ZNF124: variants seen among roughly 807,000 people sequenced by gnomAD.
The protein encoded by ZNF124 is zinc finger protein HZF-16.
In ZNF124, 25 loss-of-function variants were observed where a neutral mutation model predicts 26.6. The ratio of observed to expected loss-of-function variants is 0.94; its 90% CI spans 0.68 to 1.31. ZNF124 has a LOEUF of 1.31. ZNF124 is among the 40% of genes most tolerant of loss of function. ZNF124 has a pLI of 0.00. For synonymous variants in ZNF124, 129 were observed against 133.3 expected, an observed-to-expected ratio of 0.97 and a Z score of 0.22; for missense variants, 444 against 422.2, an observed-to-expected ratio of 1.05 and a Z score of -0.45.
intron 3 of ZNF124, among the ~76,000 whole-genome samples, chr1:247,132,338 C>G (rs139938955): frequency 0.026 from 3,956 of 152,216 alleles, 187 homozygotes; most frequent in African/African-American, 0.09. Context: ...GAGAAAGAAT[C>G]AATGAAAAAA....
chr1:247,152,963 C>G (rs913472904), downstream of ZNF124, among the ~76,000 whole-genome samples: 1 of 152,060 alleles, frequency 6.6e-6, no homozygotes, highest in African/African-American at 2.4e-5. Context: ...GAAACTCCAA[C>G]TCTACTAAAA....
Position 247,170,202 on chromosome 1 carries a change from G to C in ZNF124, c.30+1646C>G, listed in dbSNP as rs866869408. Reference sequence around the variant, plus strand: ...ACAAAGAATTTTTTATAGTGGACTAGATCAGGTGATTATTCTCTGTTTTCA... The same window carrying C: ...ACAAAGAATTTTTTATAGTGGACTACATCAGGTGATTATTCTCTGTTTTCA... On this transcript the variant is annotated intron_variant, in intron 1 of 3. Transcript: ENST00000543802. Among the ~76,000 whole-genome samples, 225 of 143,308 alleles carry C rather than the reference G, an allele frequency of 1.6e-3. 1 individual carries two copies. The highest frequency in any genetic ancestry group is 2.7e-3 in the Non-Finnish European group (176 of 65,870). The allele number at this position is 143,308 out of a possible 152,430, so 94.0% of individuals were successfully genotyped here. A position where few individuals can be genotyped will look rare whatever the true frequency, so the allele number is the denominator to read the frequency against.
chr1:247,147,756 C>A (rs1672823747), intron 3 of ZNF124, among the ~76,000 whole-genome samples: 1 of 152,122 alleles, frequency 6.6e-6, no homozygotes. Context: ...CTACCTGTCT[C>A]CCACCCAGAC....
intron 3 of ZNF124, among the ~76,000 whole-genome samples, chr1:247,128,653 C>T (rs905560431): frequency 6.6e-6 from 1 of 151,112 alleles, no homozygotes; most frequent in Non-Finnish European, 1.5e-5. Context: ...GTTATCACTC[C>T]TTAGAGACAA....
chr1:247,165,900 G>A (rs1416324317), intron 1 of ZNF124, among the ~76,000 whole-genome samples: 1 of 152,132 alleles, frequency 6.6e-6, no homozygotes, highest in Non-Finnish European at 1.5e-5. Flanking sequence ...AAAATAGCCT[G>A]GGCAGGGTGG....
chr1:247,145,772 G>A (rs1382223352), intron 3 of ZNF124, among the ~76,000 whole-genome samples: 1 of 152,106 alleles, frequency 6.6e-6, no homozygotes, highest in African/African-American at 2.4e-5. Flanking sequence ...GGGATTACAG[G>A]CGCCTACCAC....
chr1:247,155,926 A>G lies in ZNF124; in HGVS notation c.*640T>C. On this transcript the variant is annotated 3_prime_UTR_variant, in exon 4 of 4. Coordinates refer to ENST00000543802, the MANE Select transcript of ZNF124 (RefSeq NM_001297568.2). Reference sequence around the variant, plus strand: ...CAAAAGAAGTGAAAATCTATATTCTAGAGACTCTCTTCAAAAATGAGCAAC... The same window carrying G: ...CAAAAGAAGTGAAAATCTATATTCTGGAGACTCTCTTCAAAAATGAGCAAC... 5 of 927,560 alleles carry G rather than the reference A, an allele frequency of 5.4e-6. No individual in the cohort carries two copies. Among genetic ancestry groups the G allele is most frequent in the Non-Finnish European group, 6.4e-6 (5 of 778,600 alleles). 57.5% of individuals were successfully genotyped at this position (927,560 alleles called of 1,614,324 possible). A position where few individuals can be genotyped will look rare whatever the true frequency, so the allele number is the denominator to read the frequency against.
At chr1:247,163,080 G>A (rs1166009544) in intron 1 of ZNF124, among the ~76,000 whole-genome samples, 2 of 151,876 alleles carry the variant, frequency 1.3e-5, no homozygotes, top group African/African-American at 2.4e-5. Context: ...TGAAATTAAG[G>A]TAGAAACCAA....
chr1:247,166,866 G>A (rs1023062693), intron 1 of ZNF124, among the ~76,000 whole-genome samples: 6 of 152,086 alleles, frequency 3.9e-5, no homozygotes, highest in Non-Finnish European at 7.4e-5. Context: ...ACCATATTTA[G>A]CATCATACTA....
chr1:247,127,777 G>C (rs143562744), intron 3 of ZNF124, among the ~76,000 whole-genome samples: 3,559 of 149,142 alleles, frequency 0.024, 3 homozygotes, highest in African/African-American at 0.083. Context: ...GCCCTTAAAA[G>C]AGACAGGAAT....
intron 1 of ZNF124, among the ~76,000 whole-genome samples, chr1:247,164,979 T>C (rs1572098425): frequency 6.6e-6 from 1 of 152,072 alleles, no homozygotes; most frequent in South Asian, 2.1e-4. Flanking sequence ...TTTTTTTTTT[T>C]TTCTTGAGAC....
At chr1:247,145,407 A>G (rs1187659517) in intron 3 of ZNF124, among the ~76,000 whole-genome samples, 1 of 152,170 alleles carries the variant, frequency 6.6e-6, no homozygotes, top group East Asian at 1.9e-4. Context: ...GTGAGCAGTG[A>G]CAAGGTATTA....
Position 247,144,851 on chromosome 1 carries a change from A to G in ZNF124, c.218+14155T>C, listed in dbSNP as rs148054296. On this transcript the variant is annotated intron_variant, in intron 3 of 3. Coordinates refer to the ZNF124 transcript ENST00000472531. ...AGTGCAGTGGCCCGATCTCAGCTCA[A>G]TGCAACCTCCGCCTCCCAGGTTCAA... 6.0e-3 allele frequency among the ~76,000 whole-genome samples: 907 copies of G among 151,716 alleles called. 12 individuals carry two copies. Among genetic ancestry groups the G allele is most frequent in the African/African-American group, 0.021 (850 of 41,342 alleles).
intron 3 of ZNF124, among the ~76,000 whole-genome samples, chr1:247,147,394 T>G (rs1364011148): frequency 6.6e-6 from 1 of 151,844 alleles, no homozygotes; most frequent in African/African-American, 2.4e-5. Context: ...GCCTGGCTAA[T>G]TTTTGTATTT....
intron 3 of ZNF124, among the ~76,000 whole-genome samples, chr1:247,135,257 A>G (rs867569639): frequency 6.6e-6 from 1 of 152,152 alleles, no homozygotes; most frequent in Non-Finnish European, 1.5e-5. Context: ...CAAACCCAGG[A>G]GCTGGTTATT....
chr1:247,140,373 G>A (rs746831413), intron 3 of ZNF124, among the ~76,000 whole-genome samples: 1 of 152,104 alleles, frequency 6.6e-6, no homozygotes, highest in South Asian at 2.1e-4. Flanking sequence ...TTGTCTTTCA[G>A]CTCCAGTGAT....
At chr1:247,170,738 A>G (rs201716322) in intron 1 of ZNF124, among the ~76,000 whole-genome samples, 1,970 of 139,630 alleles carry the variant, frequency 0.014, 114 homozygotes, top group East Asian at 0.079. Flanking sequence ...GGGGGTACAT[A>G]ACTGGGGGCT....
intron 3 of ZNF124, among the ~76,000 whole-genome samples, chr1:247,133,162 G>T (rs779305175): frequency 6.6e-6 from 1 of 151,998 alleles, no homozygotes; most frequent in Non-Finnish European, 1.5e-5. Context: ...AGAGTGTGAA[G>T]ACCACCTTAC....
intron 1 of ZNF124, among the ~76,000 whole-genome samples, chr1:247,160,076 C>T (rs977486202): frequency 3.4e-5 from 5 of 149,242 alleles, no homozygotes; most frequent in African/African-American, 4.9e-5. Context: ...ATCTTCGCCT[C>T]GCAGGCTCAA....
Sources: gnomAD v4.1 joint callset for allele counts (sites outside exome capture counted in the v4.1 genomes callset) on GRCh38, gnomAD v4.1.1 for gene constraint, MANE v1.5 for transcripts, NCBI Gene and HGNC (gene_info 2026-07-23, HGNC 2026-07-21) for gene names.